Variants in PTPRN2 observed in about 807,000 individuals in gnomAD.
The protein encoded by PTPRN2 is receptor-type tyrosine-protein phosphatase N2.
PTPRN2 carries 74 observed loss-of-function variants against 118.8 expected under a neutral mutation model. The observed-to-expected ratio is 0.62, with a 90% CI of 0.52 to 0.76. The LOEUF (loss-of-function observed/expected upper bound fraction) is 0.76. PTPRN2 is among the 30% of genes least tolerant of loss of function. The pLI is 0.00. For missense variants in PTPRN2, 1,481 were observed against 1,394.4 expected, an observed-to-expected ratio of 1.06 and a Z score of -0.99; for synonymous variants, 641 against 608.0, an observed-to-expected ratio of 1.05 and a Z score of -0.80.
chr7:157,899,731 C>T (rs1797334073), intron 11 of PTPRN2, among the ~76,000 whole-genome samples: 1 of 152,188 alleles, frequency 6.6e-6, no homozygotes, highest in African/African-American at 2.4e-5. Flanking sequence ...GTTGGGGCCT[C>T]TCCATTGTCT....
In PTPRN2 at chr7:157,745,924, A is replaced by G. The variant is rs72505546; in HGVS notation, c.1789-62987T>C. Among the ~76,000 whole-genome samples the G allele has an allele frequency of 5.1e-3, 783 of 152,086 alleles. 18 individuals are homozygous for G. The highest frequency in any genetic ancestry group is 0.044 in the East Asian group (225 of 5,164). ...GAGATCACAGGACTCCCTACACACCATAGTCCATACAGGGCCTTGAGTGTG... is the reference window on the plus strand; with the variant it reads ...GAGATCACAGGACTCCCTACACACCGTAGTCCATACAGGGCCTTGAGTGTG... On this transcript the variant is annotated intron_variant, in intron 12 of 22. Transcript: ENST00000389418.
chr7:157,725,430 C>T (rs1291630831), intron 12 of PTPRN2, among the ~76,000 whole-genome samples: 3 of 95,678 alleles, frequency 3.1e-5, no homozygotes, highest in Admixed American at 1.0e-4. Flanking sequence ...AGACCCTCGC[C>T]TCCCAGGAGA....
rs1366187613 is a variant in PTPRN2 at position 158,089,747 on chromosome 7, C to G, written c.1644-8370G>C. On this transcript the variant is annotated intron_variant, in intron 10 of 22. Coordinates refer to ENST00000389418, the MANE Select transcript of PTPRN2 (RefSeq NM_002847.5). ...CCTGACAAAAGAGGGGGTCTTCACA[C>G]AAACCTTCTTCCCCTGATGAAAAGG... is the stretch of plus-strand genomic sequence containing the variant. Among the ~76,000 whole-genome samples the G allele has an allele frequency of 2.8e-5, 4 of 142,366 alleles. 1 individual carries two copies. Among genetic ancestry groups the G allele is most frequent in the African/African-American group, 1.1e-4 (4 of 36,884 alleles). The allele number at this position is 142,366 out of a possible 152,430, so 93.4% of individuals were successfully genotyped here.
At chr7:158,102,348 T>G (rs1815298552) in intron 10 of PTPRN2, among the ~76,000 whole-genome samples, 2 of 152,178 alleles carry the variant, frequency 1.3e-5, no homozygotes, top group South Asian at 4.1e-4. Context: ...AAGCCACCTC[T>G]TGTGACTGCC....
At chr7:157,899,218 A>G (rs1797303377) in intron 11 of PTPRN2, among the ~76,000 whole-genome samples, 1 of 152,220 alleles carries the variant, frequency 6.6e-6, no homozygotes, top group South Asian at 2.1e-4. Context: ...CCTCTTGTTC[A>G]TGCCCTGACA....
intron 11 of PTPRN2, among the ~76,000 whole-genome samples, chr7:158,069,401 A>C (rs1811035326): frequency 6.6e-6 from 1 of 152,106 alleles, no homozygotes; most frequent in Non-Finnish European, 1.5e-5. Flanking sequence ...GGGTCTCACT[A>C]TGTTGCCCAG....
intron 3 of PTPRN2, among the ~76,000 whole-genome samples, chr7:158,296,018 AGGGAAGTGCT>A (rs1800476275): frequency 6.6e-6 from 1 of 152,224 alleles, no homozygotes; most frequent in South Asian, 2.1e-4. Context: ...GGAGATGGGC[AGGGAAGTGCT>A]GGGTGGAGAA....
At chr7:157,636,821 T>TCTGCTTAGCAATAATTAAATC (rs1250169370) in intron 14 of PTPRN2, among the ~76,000 whole-genome samples, 9 of 152,260 alleles carry the variant, frequency 5.9e-5, no homozygotes, top group African/African-American at 2.2e-4. Flanking sequence ...TTTAAACCTC[T>TCTGCTTAGCAATAATTAAATC]CTGCTTAGCA....
At chr7:157,969,523 T>C (rs1802172942) in intron 11 of PTPRN2, among the ~76,000 whole-genome samples, 1 of 152,044 alleles carries the variant, frequency 6.6e-6, no homozygotes. Flanking sequence ...TGGGAGGTGG[T>C]GGCAGGCTGG....
At position 157,609,078 on chromosome 7, in the gene PTPRN2, G is replaced by C. The variant is rs1437704130; in HGVS notation, c.2345-5003C>G. ...CCTTTACTGTGTTTATCATGCGTTA[G>C]TGCCTTGTTCAACAATATTTCAGGC... On this transcript the variant is annotated intron_variant, in intron 15 of 22. Coordinates refer to ENST00000389418, the MANE Select transcript of PTPRN2 (RefSeq NM_002847.5). The surrounding 1 kb of genome is among the most constrained non-coding windows in gnomAD (Gnocchi z 4.9). Among the ~76,000 whole-genome samples, 1 of 152,090 alleles carries C rather than the reference G, an allele frequency of 6.6e-6. No homozygotes were observed. Among genetic ancestry groups the C allele is most frequent in the South Asian group, 2.1e-4 (1 of 4,818 alleles).
At chr7:158,301,154 T>A (rs1800858983) in intron 3 of PTPRN2, among the ~76,000 whole-genome samples, 1 of 152,232 alleles carries the variant, frequency 6.6e-6, no homozygotes, top group African/African-American at 2.4e-5. Context: ...AAACATCTTA[T>A]ACTATAACTA....
At chr7:158,394,740 G>A (rs1341508576) in intron 2 of PTPRN2, among the ~76,000 whole-genome samples, 1 of 152,252 alleles carries the variant, frequency 6.6e-6, no homozygotes, top group African/African-American at 2.4e-5. Flanking sequence ...GACAAGGACT[G>A]TAGGCAACTC....
rs1342069886 is a variant in PTPRN2 at position 158,319,595 on chromosome 7, GCACA to G, written c.164-2667_164-2664del. ...CACGCACACAGCCTCCCTCACACAC[GCACA>G]CAGCCTCCCTTGTACACACACAGCC... On this transcript the variant is annotated intron_variant, in intron 2 of 22. Transcript: ENST00000389418. Among the ~76,000 whole-genome samples, 37 of 8,374 alleles carry G rather than the reference GCACA, an allele frequency of 4.4e-3. 4 individuals are homozygous for G. Among genetic ancestry groups the G allele is most frequent in the African/African-American group, 0.012 (27 of 2,202 alleles). 5.5% of individuals were successfully genotyped at this position (8,374 alleles called of 152,430 possible).
At chr7:157,679,987 G>C (rs1796845471) in intron 13 of PTPRN2, among the ~76,000 whole-genome samples, 1 of 152,152 alleles carries the variant, frequency 6.6e-6, no homozygotes, top group Non-Finnish European at 1.5e-5. Context: ...GAACACCTCT[G>C]CTCCTGACCT....
chr7:158,235,858 T>C (rs1178574913), intron 3 of PTPRN2, among the ~76,000 whole-genome samples: 1 of 152,218 alleles, frequency 6.6e-6, no homozygotes, highest in Non-Finnish European at 1.5e-5. Context: ...TGAAAATATG[T>C]ACATCGATTC....
intron 12 of PTPRN2, among the ~76,000 whole-genome samples, chr7:157,851,625 G>A (rs1418522335): frequency 6.6e-6 from 1 of 152,228 alleles, no homozygotes; most frequent in Non-Finnish European, 1.5e-5. Context: ...GGCACCTTGT[G>A]TCCCTGCTCT....
intron 6 of PTPRN2, among the ~76,000 whole-genome samples, chr7:158,155,442 TCAC>T (rs1821618287): frequency 6.6e-6 from 1 of 151,032 alleles, no homozygotes; most frequent in Non-Finnish European, 1.5e-5. Context: ...AGCACCACCA[TCAC>T]CAACACCATC....
intron 21 of PTPRN2, among the ~76,000 whole-genome samples, chr7:157,555,320 A>G (rs1344808507): frequency 6.6e-6 from 1 of 152,254 alleles, no homozygotes; most frequent in African/African-American, 2.4e-5. Context: ...AACAAAAGCC[A>G]TTAAAAGAAT....
chr7:158,193,015 G>A (rs559930413), intron 4 of PTPRN2, among the ~76,000 whole-genome samples: 22 of 152,338 alleles, frequency 1.4e-4, no homozygotes, highest in Admixed American at 6.5e-4. Flanking sequence ...GATGTACTTC[G>A]CCACAGCCTC....
Sources: gnomAD v4.1 joint callset for allele counts (sites outside exome capture counted in the v4.1 genomes callset) on GRCh38, gnomAD v4.1.1 for gene constraint, Gnocchi (gnomAD v3.1) non-coding constraint, MANE v1.5 for transcripts, NCBI Gene and HGNC (gene_info 2026-07-23, HGNC 2026-07-21) for gene names.